PHACTR2: variants seen among roughly 807,000 people sequenced by gnomAD.
PHACTR2 encodes chromosome 6 open reading frame 56.
A neutral mutation model predicts 76.0 loss-of-function variants in PHACTR2; 30 were observed. The observed-to-expected ratio is 0.39, with a 90% CI of 0.30 to 0.54. PHACTR2 has a LOEUF of 0.54. Among genes scored for constraint, PHACTR2 ranks in the 20% least tolerant of loss-of-function variants. PHACTR2 has a pLI of 0.61. For missense variants in PHACTR2, 696 were observed against 781.1 expected (o/e 0.89, Z 1.30); for synonymous variants, 292 against 292.5 (o/e 1.00, Z 0.02).
intron 6 of PHACTR2, among the ~76,000 whole-genome samples, chr6:143,771,158 GTATATATATATATATGTATATA>G (rs1305029698): frequency 0.012 from 176 of 14,530 alleles, 3 homozygotes; most frequent in African/African-American, 0.026. Flanking sequence ...ATATATATAT[GTATATATATATATATGTATATA>G]TATATATATG....
chr6:143,773,167 C>T (rs746506912), intron 7 of PHACTR2, among the ~76,000 whole-genome samples: 1 of 152,034 alleles, frequency 6.6e-6, no homozygotes, highest in Admixed American at 6.6e-5. Context: ...GAGCTGAGAT[C>T]GCGCCACTGC....
Position 143,581,503 on chromosome 6 carries a change from C to T in PHACTR2, c.217+44296C>T, listed in dbSNP as rs201284596. Among the ~76,000 whole-genome samples the T allele has an allele frequency of 6.6e-5, 10 of 152,176 alleles. No individual in the cohort carries two copies. The East Asian group carries it at 1.2e-3, about 18-fold the overall frequency. ...GGAGAGAAGGGACCTTTTCTGCAGA[C>T]GGTGGCCTGGAGAAGAAGCTCTTTT... On this transcript the variant is annotated intron_variant, in intron 1 of 11. Transcript: ENST00000367584. The surrounding 1 kb of genome is among the most constrained non-coding windows in gnomAD (Gnocchi z 4.5).
rs1024161975 is a variant in PHACTR2 at position 143,807,727 on chromosome 6, T to G, written c.1922+594T>G. ...AACTTTAGGATGGGAATCCTGATTT[T>G]ACTGGTGACGAAGGAGATCGCTATC... On this transcript the variant is annotated intron_variant, in intron 12 of 12. Transcript: ENST00000440869. This position sits in a 1 kb window ranked among gnomAD's most constrained non-coding sequence, Gnocchi z 5.5. Among the ~76,000 whole-genome samples the G allele has an allele frequency of 1.3e-5, 2 of 152,226 alleles. No individual in the cohort carries two copies. Among genetic ancestry groups the G allele is most frequent in the Non-Finnish European group, 2.9e-5 (2 of 68,042 alleles).
chr6:143,774,567 G>A lies in PHACTR2; in HGVS notation c.1589+352G>A, dbSNP rs1404441377. Among the ~76,000 whole-genome samples, 1 of 152,202 alleles carries A rather than the reference G, an allele frequency of 6.6e-6. No individual in the cohort carries two copies. Among genetic ancestry groups the A allele is most frequent in the Non-Finnish European group, 1.5e-5 (1 of 68,042 alleles). ...AATAATAGATAAACAAATGAGTGTGGCCATGTTCCAATAAAACTTTATTTA... is the reference window on the plus strand; with the variant it reads ...AATAATAGATAAACAAATGAGTGTGACCATGTTCCAATAAAACTTTATTTA... On this transcript the variant is annotated intron_variant, in intron 8 of 12. Coordinates refer to ENST00000440869, the MANE Select transcript of PHACTR2 (RefSeq NM_001100164.2). This position sits in a 1 kb window ranked among gnomAD's most constrained non-coding sequence, Gnocchi z 5.4.
In PHACTR2 at chr6:143,589,677, C is replaced by T. The variant is rs1484773803; in HGVS notation, c.217+52470C>T. Among the ~76,000 whole-genome samples, 2 of 152,166 alleles carry T rather than the reference C, an allele frequency of 1.3e-5. No homozygotes were observed. The highest frequency in any genetic ancestry group is 2.9e-5 in the Non-Finnish European group (2 of 68,046). On this transcript the variant is annotated intron_variant, in intron 1 of 11. Transcript: ENST00000367584. This position sits in a 1 kb window ranked among gnomAD's most constrained non-coding sequence, Gnocchi z 4.4. The stretch of plus-strand genomic sequence containing the variant: ...CAGATTGAAGTGGGGCTCACTCTAA[C>T]AGCTTCATTTTAATACCATCATCTC...
intron 1 of PHACTR2, among the ~76,000 whole-genome samples, chr6:143,574,606 G>T (rs1434319902): frequency 1.3e-5 from 2 of 150,946 alleles, no homozygotes; most frequent in Admixed American, 6.6e-5. Flanking sequence ...TTTTATTTAG[G>T]TTGAATCGTT....
Position 143,820,421 on chromosome 6 carries a change from G to T in PHACTR2, c.1923-3253G>T, listed in dbSNP as rs931680654. Among the ~76,000 whole-genome samples the T allele has an allele frequency of 6.6e-6, 1 of 152,066 alleles. No individual in the cohort carries two copies. The highest frequency in any genetic ancestry group is 1.5e-5 in the Non-Finnish European group (1 of 68,014). On this transcript the variant is annotated intron_variant, in intron 12 of 12. Coordinates refer to ENST00000440869, the MANE Select transcript of PHACTR2 (RefSeq NM_001100164.2). The surrounding 1 kb of genome is among the most constrained non-coding windows in gnomAD (Gnocchi z 4.2). Reference sequence around the variant, plus strand: ...AAGATATGGTGGAGATCTATACTGGGTAAACATTCCCGTTCCCAAAGGGAG... The same window carrying T: ...AAGATATGGTGGAGATCTATACTGGTTAAACATTCCCGTTCCCAAAGGGAG...
rs901545321 is a variant in PHACTR2, at chr6:143,648,126, C to T, written c.13+39804C>T. ...TGAGAATTCAGGGGATTTATCATCT[C>T]GTTGGTGGCAGGAACAAAACTCATA... On this transcript the variant is annotated intron_variant, in intron 1 of 11. Coordinates refer to the PHACTR2 transcript ENST00000305766. This position sits in a 1 kb window ranked among gnomAD's most constrained non-coding sequence, Gnocchi z 6.7. Among the ~76,000 whole-genome samples, 1 of 152,076 alleles carries T rather than the reference C, an allele frequency of 6.6e-6. No individual in the cohort carries two copies. The highest frequency in any genetic ancestry group is 2.4e-5 in the African/African-American group (1 of 41,418).
intron 1 of PHACTR2, among the ~76,000 whole-genome samples, chr6:143,649,984 C>A (rs978506621): frequency 2.0e-5 from 3 of 152,216 alleles, no homozygotes; most frequent in African/African-American, 7.2e-5. Flanking sequence ...TAAGCAACTT[C>A]AGCAAAGTCT....
At chr6:143,711,276 A>G (rs1233997982) in intron 1 of PHACTR2, among the ~76,000 whole-genome samples, 2 of 152,184 alleles carry the variant, frequency 1.3e-5, no homozygotes, top group Admixed American at 6.5e-5. Flanking sequence ...GCCTGCTTCC[A>G]GTTCTTTGCC....
intron 12 of PHACTR2, among the ~76,000 whole-genome samples, chr6:143,814,304 T>C (rs1776250436): frequency 6.6e-6 from 1 of 152,056 alleles, no homozygotes. Flanking sequence ...TGAAGTAAGC[T>C]GAGATCGCCT....
In PHACTR2 at chr6:143,775,069, A is replaced by C. The variant is rs1056800648; in HGVS notation, c.1589+854A>C. Among the ~76,000 whole-genome samples, 1 of 152,178 alleles carries C rather than the reference A, an allele frequency of 6.6e-6. No homozygotes were observed. The highest frequency in any genetic ancestry group is 1.9e-4 in the East Asian group (1 of 5,198). On this transcript the variant is annotated intron_variant, in intron 8 of 12. Transcript: ENST00000440869. This position sits in a 1 kb window ranked among gnomAD's most constrained non-coding sequence, Gnocchi z 4.4. ...AGAGCAGGATTTGGAGGTGGGGGGAAAATTGCTGTCCTTGCTTGGAAGTGG... is the reference window on the plus strand; with the variant it reads ...AGAGCAGGATTTGGAGGTGGGGGGACAATTGCTGTCCTTGCTTGGAAGTGG...
rs1210198142 is a variant in PHACTR2 at position 143,561,635 on chromosome 6, C to G, written c.217+24428C>G. 6.6e-6 allele frequency among the ~76,000 whole-genome samples: 1 copy of G among 152,204 alleles called. No homozygotes were observed. The highest frequency in any genetic ancestry group is 2.4e-5 in the African/African-American group (1 of 41,458). On this transcript the variant is annotated intron_variant, in intron 1 of 11. Coordinates refer to the PHACTR2 transcript ENST00000367584. The surrounding 1 kb of genome is among the most constrained non-coding windows in gnomAD (Gnocchi z 4.1). ...GCACCCACAGGCTCTGGCCTGGCCT[C>G]TGCATTCCCACAGAAGTAGTGGTGA...
At chr6:143,686,776 C>A (rs188766702) in intron 1 of PHACTR2, among the ~76,000 whole-genome samples, 22 of 152,190 alleles carry the variant, frequency 1.4e-4, no homozygotes, top group African/African-American at 5.1e-4. Context: ...TGAGCCACTG[C>A]GCCCACCCAG....
In PHACTR2 at chr6:143,625,996, C is replaced by A. The variant is rs141717520; in HGVS notation, c.13+17674C>A. Among the ~76,000 whole-genome samples the A allele has an allele frequency of 5.5e-3, 839 of 152,284 alleles. 10 individuals are homozygous for A. The highest frequency in any genetic ancestry group is 0.019 in the African/African-American group (797 of 41,552). On this transcript the variant is annotated intron_variant, in intron 1 of 11. Transcript: ENST00000305766. This position sits in a 1 kb window ranked among gnomAD's most constrained non-coding sequence, Gnocchi z 4.3. ...TGGGTTACAAAATTTGGGAGATTTG[C>A]AAGCATAGCTTTGTAAAACCTTCTT... is the stretch of plus-strand genomic sequence containing the variant.
Position 143,772,534 on chromosome 6 carries a change from C to T in PHACTR2, c.1432+77C>T. 14 of 1,016,158 alleles carry T rather than the reference C, an allele frequency of 1.4e-5. No individual in the cohort carries two copies. Among genetic ancestry groups the T allele is most frequent in the Non-Finnish European group, 2.1e-5 (14 of 666,672 alleles). The allele number at this position is 1,016,158 out of a possible 1,614,324, so 62.9% of individuals were successfully genotyped here. On this transcript the variant is annotated intron_variant, in intron 7 of 12. Coordinates refer to ENST00000440869, the MANE Select transcript of PHACTR2 (RefSeq NM_001100164.2). The surrounding 1 kb of genome is among the most constrained non-coding windows in gnomAD (Gnocchi z 5.4). ...GCTGCAGTTTATAAAGAATAAAAGC[C>T]TCATTAGGAACCAGACATCTGATGT...
At position 143,760,541 on chromosome 6, in the gene PHACTR2, G is replaced by A. The variant is rs563119580; in HGVS notation, c.595G>A (p.Asp199Asn). 9 of 1,613,936 alleles carry A rather than the reference G, an allele frequency of 5.6e-6. No homozygotes were observed. The Admixed American group carries it at 8.3e-5, about 15-fold the overall frequency. Residue 199 changes from aspartate to asparagine, a missense_variant, in exon 5 of 13, where the codon GAT becomes AAT. Physicochemically the swap from Asp to Asn is conservative, Grantham distance 23. Coordinates refer to ENST00000440869, the MANE Select transcript of PHACTR2 (RefSeq NM_001100164.2). This position sits in a 1 kb window ranked among gnomAD's most constrained non-coding sequence, Gnocchi z 6.4. ...CACTGCTGGGGCCAGCCACAAAGGT[G>A]ATGAAGTGCCTCCCATTAAAAAAAA... ...GATAGASHKG[D>N]EVPPIKKNTK...
chr6:143,661,408 A>G (rs538221562), intron 1 of PHACTR2, among the ~76,000 whole-genome samples: 1 of 152,166 alleles, frequency 6.6e-6, no homozygotes, highest in Admixed American at 6.5e-5. Flanking sequence ...GTTTTAGAAT[A>G]TTTAGAGCAA....
chr6:143,628,924 GATATATATATATATATATATATATATAT>G (rs71024862), intron 1 of PHACTR2, among the ~76,000 whole-genome samples: 1,397 of 34,060 alleles, frequency 0.041, 93 homozygotes, highest in African/African-American at 0.1. Flanking sequence ...AAATGCAGGA[GATATATATATATATATATATATATATAT>G]ATATATATAT....
Sources: gnomAD v4.1 joint callset for allele counts (sites outside exome capture counted in the v4.1 genomes callset) on GRCh38, gnomAD v4.1.1 for gene constraint, Gnocchi (gnomAD v3.1) non-coding constraint, MANE v1.5 for transcripts, NCBI Gene and HGNC (gene_info 2026-07-23, HGNC 2026-07-21) for gene names.